The following NRG3 variants were observed in gnomAD, a reference collection of about 807,000 sequenced individuals.
NRG3 encodes pro-neuregulin-3, membrane-bound isoform.
Under a neutral mutation model 66.9 loss-of-function variants are expected in NRG3, and 31 were observed. The observed-to-expected ratio is 0.46, with a 90% CI of 0.35 to 0.63. The LOEUF is 0.63. Ranked by LOEUF, NRG3 falls within the 20% of genes least tolerant of loss-of-function variation. The probability of loss-of-function intolerance (pLI) is 0.00; values close to 1 mark genes in which losing one functional copy is unlikely to be tolerated. For missense variants in NRG3, 910 were observed against 878.9 expected (o/e 1.04, Z -0.45); for synonymous variants, 393 against 359.4 (o/e 1.09, Z -1.06).
chr10:82,456,483 G>A (rs1400807583), intron 2 of NRG3, among the ~76,000 whole-genome samples: 1 of 151,976 alleles, frequency 6.6e-6, no homozygotes, highest in African/African-American at 2.4e-5. Context: ...TAGAAAGTAA[G>A]ACAAAAACAC....
intron 1 of NRG3, among the ~76,000 whole-genome samples, chr10:82,043,380 A>T (rs865860255): frequency 1.4e-4 from 21 of 152,092 alleles, no homozygotes; most frequent in Non-Finnish European, 2.1e-4. Context: ...ACTTTTTTTT[A>T]AAAAAAGCTA....
intron 2 of NRG3, among the ~76,000 whole-genome samples, chr10:82,645,777 T>G (rs2050888677): frequency 6.6e-6 from 1 of 152,186 alleles, no homozygotes; most frequent in African/African-American, 2.4e-5. Flanking sequence ...AAGAGTGTTG[T>G]ATTGAGACCT....
intron 2 of NRG3, among the ~76,000 whole-genome samples, chr10:82,718,472 T>TG (rs1202743865): frequency 2.6e-5 from 4 of 152,200 alleles, no homozygotes; most frequent in Admixed American, 2.0e-4. Context: ...TTGACATCTG[T>TG]GGACAAAAGA....
Position 82,688,496 on chromosome 10 carries a change from A to AT in NRG3, c.954-50073dup, listed in dbSNP as rs939727054. 1.8e-4 allele frequency among the ~76,000 whole-genome samples: 27 copies of AT among 152,088 alleles called. No individual in the cohort carries two copies. In the East Asian group the frequency reaches 5.0e-3, roughly 28 times the overall value. The stretch of plus-strand genomic sequence containing the variant: ...AGATTGTTCTTAGTCAGTCTTCATG[A>AT]TTTTTTTTGGTTAACAAATATTTTG... On this transcript the variant is annotated intron_variant, in intron 2 of 8. Transcript: ENST00000372141.
intron 1 of NRG3, among the ~76,000 whole-genome samples, chr10:81,893,466 T>G (rs1222292173): frequency 2.6e-5 from 4 of 152,124 alleles, no homozygotes; most frequent in African/African-American, 9.7e-5. Flanking sequence ...CTAATACATA[T>G]GCAAAAAAGC....
intron 4 of NRG3, among the ~76,000 whole-genome samples, chr10:82,937,554 G>A (rs1166710141): frequency 1.3e-5 from 2 of 152,208 alleles, no homozygotes; most frequent in Non-Finnish European, 2.9e-5. Context: ...TTGTGAAGGG[G>A]TAGCCCTCTG....
At chr10:81,906,221 A>G (rs1347230759) in intron 1 of NRG3, among the ~76,000 whole-genome samples, 1 of 151,966 alleles carries the variant, frequency 6.6e-6, no homozygotes, top group Non-Finnish European at 1.5e-5. Flanking sequence ...CATCATCATC[A>G]TCATCATCAT....
intron 1 of NRG3, among the ~76,000 whole-genome samples, chr10:82,121,422 A>G (rs1347095109): frequency 1.3e-5 from 2 of 152,188 alleles, no homozygotes; most frequent in Non-Finnish European, 2.9e-5. Flanking sequence ...AGTCCCTCAA[A>G]GAGAGAATTC....
Position 81,915,212 on chromosome 10 carries a change from C to T in NRG3, c.823+39049C>T, listed in dbSNP as rs577094389. On this transcript the variant is annotated intron_variant, in intron 1 of 8. Coordinates refer to ENST00000372141, the MANE Select transcript of NRG3 (RefSeq NM_001010848.4). ...AAAAAGATCTTTTTTATATTTTAAG[C>T]ATTAATCAGACTTGAGGCTATTTGC... Among the ~76,000 whole-genome samples, 10 of 152,240 alleles carry T rather than the reference C, an allele frequency of 6.6e-5. No homozygotes were observed. In the South Asian group the frequency reaches 1.9e-3, roughly 28 times the overall value.
rs374788455 is a variant in NRG3, at chr10:81,875,919, C to G, written c.579C>G (p.Val193=). ...GGAACACTGCGGCCCCTGCGACGGT[C>G]CCGTCCACCACGGCCCCGTTCTTCA... is the stretch of plus-strand genomic sequence containing the variant. The part of the protein sequence containing the change: ...TARNTAAPAT[V]PSTTAPFFSS... Residue 193 remains valine (V), a synonymous_variant, in exon 1 of 9, where the codon GTC becomes GTG. Coordinates refer to ENST00000372141, the MANE Select transcript of NRG3 (RefSeq NM_001010848.4). This position sits in a 1 kb window ranked among gnomAD's most constrained non-coding sequence, Gnocchi z 5.3. 1.9e-6 allele frequency: 3 copies of G among 1,613,354 alleles called. No individual in the cohort carries two copies. The highest frequency in any genetic ancestry group is 1.3e-5 in the African/African-American group (1 of 75,068).
chr10:82,169,762 T>C (rs1323669924), intron 1 of NRG3, among the ~76,000 whole-genome samples: 1 of 151,868 alleles, frequency 6.6e-6, no homozygotes, highest in African/African-American at 2.4e-5. Flanking sequence ...TTAAAGATTA[T>C]GTGTAGTTTC....
chr10:82,922,633 G>T (rs1356953854), intron 4 of NRG3, among the ~76,000 whole-genome samples: 1 of 152,136 alleles, frequency 6.6e-6, no homozygotes, highest in Non-Finnish European at 1.5e-5. Context: ...GTTGTCTGGA[G>T]GATGCCATCA....
chr10:82,763,757 A>C (rs1242863665), intron 3 of NRG3, among the ~76,000 whole-genome samples: 1 of 152,136 alleles, frequency 6.6e-6, no homozygotes, highest in African/African-American at 2.4e-5. Context: ...CATTGGTCAT[A>C]TGTGGCTGTT....
chr10:82,937,659 C>T (rs1321190369), intron 4 of NRG3, among the ~76,000 whole-genome samples: 1 of 152,160 alleles, frequency 6.6e-6, no homozygotes, highest in African/African-American at 2.4e-5. Context: ...AAGTGGCCTA[C>T]AGAAAACAGA....
chr10:82,843,803 A>T (rs1422805171), intron 3 of NRG3, among the ~76,000 whole-genome samples: 1 of 152,200 alleles, frequency 6.6e-6, no homozygotes, highest in Non-Finnish European at 1.5e-5. Context: ...GAGCAGCGAG[A>T]TGCAAGGGAA....
intron 1 of NRG3, among the ~76,000 whole-genome samples, chr10:82,143,640 A>G (rs2069995195): frequency 6.6e-6 from 1 of 152,222 alleles, no homozygotes; most frequent in African/African-American, 2.4e-5. Context: ...ATCTGGAGTT[A>G]GGTAGTCCTG....
chr10:82,227,740 A>G (rs2076241096), intron 1 of NRG3, among the ~76,000 whole-genome samples: 1 of 152,242 alleles, frequency 6.6e-6, no homozygotes, highest in Non-Finnish European at 1.5e-5. Flanking sequence ...TGGTGTTGGC[A>G]GATGACATTG....
chr10:81,877,654 T>C (rs1841795211), intron 1 of NRG3: 1 of 1,235,450 alleles, frequency 8.1e-7, no homozygotes, highest in East Asian at 3.9e-5. Flanking sequence ...TACTTTGCTT[T>C]GGAAAAAACC....
At chr10:82,816,015 A>T (rs1230524510) in intron 3 of NRG3, among the ~76,000 whole-genome samples, 3 of 152,204 alleles carry the variant, frequency 2.0e-5, no homozygotes, top group East Asian at 3.9e-4. Context: ...GGGCATCTGC[A>T]TCTGGACGAG....
Sources: allele counts gnomAD v4.1 joint callset (sites outside exome capture counted in the v4.1 genomes callset), GRCh38; gene constraint gnomAD v4.1.1; non-coding constraint Gnocchi (gnomAD v3.1); transcripts MANE v1.5; gene names NCBI Gene and HGNC (gene_info 2026-07-23, HGNC 2026-07-21).